Variants in BBS9 observed in about 807,000 individuals in gnomAD.
BBS9 encodes Bardet-Biedl syndrome 9.
Under a neutral mutation model 117.7 loss-of-function variants are expected in BBS9, and 89 were observed. The observed-to-expected ratio is 0.76, with a 90% CI of 0.64 to 0.90. The LOEUF is 0.90. BBS9 is among the 40% of genes least tolerant of loss of function. The probability of loss-of-function intolerance (pLI) is 0.00; values close to 1 mark genes in which losing one functional copy is unlikely to be tolerated. For missense variants in BBS9, 982 were observed against 1,042.2 expected, an observed-to-expected ratio of 0.94 and a Z score of 0.80; for synonymous variants, 379 against 370.9, an observed-to-expected ratio of 1.02 and a Z score of -0.25.
chr7:33,374,919 A>C (rs1265113565), intron 17 of BBS9, among the ~76,000 whole-genome samples: 3 of 151,932 alleles, frequency 2.0e-5, no homozygotes, highest in African/African-American at 7.3e-5. Context: ...AAAAAAAAAA[A>C]AAAACCTATT....
chr7:33,493,382 T>A (rs1204662077), intron 19 of BBS9, among the ~76,000 whole-genome samples: 1 of 152,160 alleles, frequency 6.6e-6, no homozygotes. Flanking sequence ...TGTGGCACAC[T>A]ACTTTTGCCA....
chr7:33,536,737 G>A (rs1369355109), intron 21 of BBS9, among the ~76,000 whole-genome samples: 4 of 40,842 alleles, frequency 9.8e-5, no homozygotes, highest in Non-Finnish European at 2.3e-4. Context: ...AGTGTGAAAG[G>A]AAAAGGGCAG....
intron 5 of BBS9, among the ~76,000 whole-genome samples, chr7:33,233,641 C>T (rs1358327225): frequency 6.6e-6 from 1 of 152,040 alleles, no homozygotes; most frequent in African/African-American, 2.4e-5. Flanking sequence ...ATCAGCTGTT[C>T]AGCTATCATA....
At chr7:33,487,521 G>A (rs930229657) in intron 19 of BBS9, among the ~76,000 whole-genome samples, 1 of 152,170 alleles carries the variant, frequency 6.6e-6, no homozygotes, top group African/African-American at 2.4e-5. Context: ...AGAGAAACAG[G>A]AGGATTGTCT....
rs74363894 is a variant in BBS9, at chr7:33,417,520, A to G, written c.2115+29376A>G. Reference sequence around the variant, plus strand: ...AAGATTACATTGGCAAATAATTTTCATCTCCTATGATGATTTTGAACAATT... The same window carrying G: ...AAGATTACATTGGCAAATAATTTTCGTCTCCTATGATGATTTTGAACAATT... On this transcript the variant is annotated intron_variant, in intron 19 of 22. Transcript: ENST00000242067. 8.0e-3 allele frequency among the ~76,000 whole-genome samples: 1,221 copies of G among 152,324 alleles called. 19 individuals are homozygous for G. Among genetic ancestry groups the G allele is most frequent in the African/African-American group, 0.028 (1,167 of 41,574 alleles).
intron 16 of BBS9, among the ~76,000 whole-genome samples, chr7:33,365,479 A>T (rs1018910101): frequency 2.6e-5 from 4 of 152,140 alleles, no homozygotes; most frequent in African/African-American, 7.2e-5. Context: ...CAACTCTGTG[A>T]GTGTTCTCAG....
intron 1 of BBS9, among the ~76,000 whole-genome samples, chr7:33,135,680 A>G (rs991717339): frequency 1.3e-5 from 2 of 152,216 alleles, no homozygotes; most frequent in East Asian, 3.8e-4. Flanking sequence ...GAAATTCCAT[A>G]CAAATTTTAG....
At chr7:33,208,833 A>ATAG (rs1787463268) in intron 5 of BBS9, among the ~76,000 whole-genome samples, 1 of 151,964 alleles carries the variant, frequency 6.6e-6, no homozygotes, top group African/African-American at 2.4e-5. Context: ...TTGTGGGCAC[A>ATAG]TAGTAGGATA....
At chr7:33,430,503 A>G (rs1004776564) in intron 19 of BBS9, among the ~76,000 whole-genome samples, 1 of 152,078 alleles carries the variant, frequency 6.6e-6, no homozygotes, top group Non-Finnish European at 1.5e-5. Context: ...AAACTTGGGT[A>G]CTCTTCTGGG....
At chr7:33,626,542 T>C (rs1865645259) in intron 21 of BBS9, among the ~76,000 whole-genome samples, 1 of 152,224 alleles carries the variant, frequency 6.6e-6, no homozygotes, top group Non-Finnish European at 1.5e-5. Context: ...GTTAAAGTTG[T>C]GACCAAAATG....
chr7:33,475,011 T>A (rs967592547), intron 19 of BBS9, among the ~76,000 whole-genome samples: 2 of 152,216 alleles, frequency 1.3e-5, no homozygotes, highest in African/African-American at 4.8e-5. Context: ...TTGTCTTCCA[T>A]CCTATTGATC....
At chr7:33,163,948 G>C (rs946545933) in intron 4 of BBS9, among the ~76,000 whole-genome samples, 1 of 152,086 alleles carries the variant, frequency 6.6e-6, no homozygotes, top group Non-Finnish European at 1.5e-5. Context: ...GATCTTTCCT[G>C]CTTTCTCTTG....
At chr7:33,278,435 G>T (rs999830882) in intron 9 of BBS9, among the ~76,000 whole-genome samples, 1 of 152,120 alleles carries the variant, frequency 6.6e-6, no homozygotes, top group African/African-American at 2.4e-5. Flanking sequence ...ACAGACTATA[G>T]GATAATGAGT....
At chr7:33,173,377 G>A (rs1486623416) in intron 4 of BBS9, among the ~76,000 whole-genome samples, 2 of 151,810 alleles carry the variant, frequency 1.3e-5, no homozygotes, top group African/African-American at 2.4e-5. Context: ...TCAGGAGATC[G>A]AGACCATCCT....
intron 21 of BBS9, among the ~76,000 whole-genome samples, chr7:33,599,006 G>A (rs200715372): frequency 6.6e-6 from 1 of 152,148 alleles, no homozygotes; most frequent in Non-Finnish European, 1.5e-5. Context: ...GGCTGCTTTT[G>A]CACTATGACA....
chr7:33,287,432 G>GT (rs1348485827), intron 9 of BBS9, among the ~76,000 whole-genome samples: 1 of 152,164 alleles, frequency 6.6e-6, no homozygotes, highest in Non-Finnish European at 1.5e-5. Context: ...TAAAAGTTGG[G>GT]TTGAAAAGTA....
chr7:33,200,648 G>GT (rs1368592437), intron 5 of BBS9, among the ~76,000 whole-genome samples: 3 of 152,144 alleles, frequency 2.0e-5, no homozygotes, highest in African/African-American at 4.8e-5. Context: ...GAATCTGTCA[G>GT]TTTTTTTCTA....
chr7:33,411,878 T>C (rs1364479291), intron 19 of BBS9, among the ~76,000 whole-genome samples: 1 of 152,120 alleles, frequency 6.6e-6, no homozygotes, highest in African/African-American at 2.4e-5. Context: ...ATATGGTGTA[T>C]AGCCTCAAGG....
chr7:33,251,588 A>G (rs530829581), intron 5 of BBS9, among the ~76,000 whole-genome samples: 1 of 152,254 alleles, frequency 6.6e-6, no homozygotes, highest in Admixed American at 6.5e-5. Context: ...ATGCATCATC[A>G]TGATGTGTGT....
Sources: gnomAD v4.1 joint callset for allele counts (sites outside exome capture counted in the v4.1 genomes callset) on GRCh38, gnomAD v4.1.1 for gene constraint, MANE v1.5 for transcripts, NCBI Gene and HGNC (gene_info 2026-07-23, HGNC 2026-07-21) for gene names.